Variants in PTPRQ observed in about 807,000 individuals in gnomAD.
PTPRQ encodes phosphatidylinositol phosphatase PTPRQ.
In PTPRQ, 199 loss-of-function variants were observed where a neutral mutation model predicts 246.0. The observed-to-expected ratio is 0.81, with a 90% CI of 0.72 to 0.91. PTPRQ has a LOEUF of 0.91. PTPRQ is among the 40% of genes least tolerant of loss of function. The pLI, the probability that PTPRQ is intolerant of heterozygous loss-of-function variation, is 0.00. For missense variants in PTPRQ, 2,624 were observed against 2,528.4 expected (o/e 1.04, Z -0.81); for synonymous variants, 869 against 853.2 (o/e 1.02, Z -0.32).
rs1234812940 is a variant in PTPRQ, at chr12:80,670,459, C to T, written c.6569C>T (p.Ala2190Val). 6.4e-7 allele frequency: 1 copy of T among 1,551,062 alleles called. No homozygotes were observed. The highest frequency in any genetic ancestry group is 2.0e-5 in the Admixed American group (1 of 50,942). The change falls in exon 42 of 45, where the codon GCA (alanine) becomes GTA (valine). Residue 2190 changes from alanine (A) to valine (V), a missense_variant. By Grantham distance (64) the Ala-to-Val change is moderately conservative. Coordinates refer to ENST00000644991, the MANE Select transcript of PTPRQ (RefSeq NM_001145026.2). ...HFVKLVRASRAHDTTPMIVHC... is the reference protein window; with the variant it reads ...HFVKLVRASRVHDTTPMIVHC... ...GTGAAGTTGGTTCGAGCAAGCAGGG[C>T]ACATGACACCACACCTATGATTGTT...
At position 80,510,231 on chromosome 12, in the gene PTPRQ, A is replaced by G. The variant is rs866743962; in HGVS notation, c.2558-92A>G. On this transcript the variant is annotated intron_variant, in intron 16 of 44. Transcript: ENST00000644991. Reference sequence around the variant, plus strand: ...GCACTGAACCTAATTCCTTTACCAGAAAGTTTATAATAAAAATTGTGTGCA... The same window carrying G: ...GCACTGAACCTAATTCCTTTACCAGGAAGTTTATAATAAAAATTGTGTGCA... 18 of 1,252,772 alleles carry G rather than the reference A, an allele frequency of 1.4e-5. No individual in the cohort carries two copies. The Middle Eastern group carries it at 2.2e-3, about 155-fold the overall frequency. 77.6% of individuals were successfully genotyped at this position (1,252,772 alleles called of 1,614,324 possible).
intron 3 of PTPRQ, among the ~76,000 whole-genome samples, chr12:80,448,666 T>C (rs1029907553): frequency 3.3e-5 from 5 of 149,878 alleles, no homozygotes; most frequent in African/African-American, 7.5e-5. Flanking sequence ...AGAATGATGA[T>C]TTCCAATTTC....
At chr12:80,539,204 T>A (rs983905431) in intron 19 of PTPRQ, among the ~76,000 whole-genome samples, 1 of 152,134 alleles carries the variant, frequency 6.6e-6, no homozygotes, top group Non-Finnish European at 1.5e-5. Flanking sequence ...TTTCTCTTAC[T>A]CTACACATCA....
At chr12:80,589,913 C>G (rs114816871) in intron 26 of PTPRQ, among the ~76,000 whole-genome samples, 1 of 152,128 alleles carries the variant, frequency 6.6e-6, no homozygotes, top group African/African-American at 2.4e-5. Flanking sequence ...TGGCCCTTTT[C>G]TCTTCTTTAT....
intron 25 of PTPRQ, among the ~76,000 whole-genome samples, chr12:80,559,953 C>CA (rs1282615400): frequency 6.6e-6 from 1 of 152,132 alleles, no homozygotes; most frequent in Non-Finnish European, 1.5e-5. Flanking sequence ...ACCTTGGGAA[C>CA]AAGGTGAAAA....
chr12:80,552,489 T>C (rs1240287023), intron 25 of PTPRQ, among the ~76,000 whole-genome samples: 1 of 151,240 alleles, frequency 6.6e-6, no homozygotes, highest in African/African-American at 2.4e-5. Context: ...CCATTAAAAG[T>C]AATATTGAGT....
intron 17 of PTPRQ, among the ~76,000 whole-genome samples, chr12:80,524,996 A>C (rs1895638613): frequency 6.6e-6 from 1 of 152,216 alleles, no homozygotes; most frequent in Non-Finnish European, 1.5e-5. Context: ...GAGTTTAAGT[A>C]AGCTTATTGC....
chr12:80,544,717 T>G (rs895148390), intron 23 of PTPRQ, among the ~76,000 whole-genome samples: 5 of 152,136 alleles, frequency 3.3e-5, no homozygotes, highest in East Asian at 3.9e-4. Flanking sequence ...TCTCTCCTAG[T>G]GTGTTCTATT....
rs138904600 is a variant in PTPRQ at position 80,670,224 on chromosome 12, A to G, written c.6454-120A>G. On this transcript the variant is annotated intron_variant, in intron 41 of 44. Coordinates refer to ENST00000644991, the MANE Select transcript of PTPRQ (RefSeq NM_001145026.2). The stretch of plus-strand genomic sequence containing the variant: ...TTATAGGAAATAATGAAAACATTTT[A>G]TTTGGTTTGGTAAATAGTCATTTTT... 1.3e-4 allele frequency: 176 copies of G among 1,379,450 alleles called. No individual in the cohort carries two copies. In the African/African-American group the frequency reaches 2.4e-3, roughly 19 times the overall value. The allele number at this position is 1,379,450 out of a possible 1,614,324, so 85.5% of individuals were successfully genotyped here.
In PTPRQ at chr12:80,492,222, C is replaced by T. The variant is rs543144502; in HGVS notation, c.1360-1053C>T. Among the ~76,000 whole-genome samples the T allele has an allele frequency of 3.3e-5, 5 of 152,034 alleles. No homozygotes were observed. The South Asian group carries it at 1.0e-3, about 31-fold the overall frequency. ...TTTAAATAAATTCCAGACTTAACAT[C>T]ATTTTGTTCCTATATGCCTAAGCAC... is the stretch of plus-strand genomic sequence containing the variant. On this transcript the variant is annotated intron_variant, in intron 9 of 44. Coordinates refer to ENST00000644991, the MANE Select transcript of PTPRQ (RefSeq NM_001145026.2).
rs566465848 is a variant in PTPRQ, at chr12:80,563,018, A to T, written c.4285+13284A>T. 1.8e-4 allele frequency among the ~76,000 whole-genome samples: 27 copies of T among 152,284 alleles called. No individual in the cohort carries two copies. In the South Asian group the frequency reaches 5.2e-3, roughly 29 times the overall value. On this transcript the variant is annotated intron_variant, in intron 25 of 44. Transcript: ENST00000644991. ...AGATGAAATGTACTGATTCTTCAGG[A>T]AACACACCTACTACACTATACTCCC...
At position 80,680,234 on chromosome 12, in the gene PTPRQ, A is replaced by G. The variant is rs1453490894; in HGVS notation, c.*1211A>G. ...CTTATTTCCGCTGGAACATATATAT[A>G]TAAGAAATGCTATGGCCAATAAAAT... On this transcript the variant is annotated 3_prime_UTR_variant, in exon 45 of 45. Coordinates refer to ENST00000644991, the MANE Select transcript of PTPRQ (RefSeq NM_001145026.2). 1.3e-5 allele frequency: 2 copies of G among 151,536 alleles called. No homozygotes were observed. The highest frequency in any genetic ancestry group is 3.9e-4 in the East Asian group (2 of 5,170). The allele number at this position is 151,536 out of a possible 1,614,324, so 9.4% of individuals were successfully genotyped here. A position where few individuals can be genotyped will look rare whatever the true frequency, so the allele number is the denominator to read the frequency against.
In PTPRQ at chr12:80,534,015, G is replaced by C. The variant is rs1376868367; in HGVS notation, c.2679G>C (p.Trp893Cys). The change falls in exon 18 of 45, where the codon TGG becomes TGC. Residue 893 changes from tryptophan to cysteine, a missense_variant and splice_region_variant. Transcript: ENST00000644991. ...ACAGATAATATTCTTTTTATCTCAG[G>C]AATAGATCATCATTAAAAACTATTA... ...GIILYYTVYV[W>C]NRSSLKTINV... 2 of 1,484,800 alleles carry C rather than the reference G, an allele frequency of 1.3e-6. No homozygotes were observed. The highest frequency in any genetic ancestry group is 1.8e-6 in the Non-Finnish European group (2 of 1,117,832). The allele number at this position is 1,484,800 out of a possible 1,614,324, so 92.0% of individuals were successfully genotyped here.
In PTPRQ at chr12:80,492,057, G is replaced by A. The variant is rs372829504; in HGVS notation, c.1360-1218G>A. ...TTAGTAAAAGAGAGTAGATTTTTCA[G>A]CATATTCTTTTTTCAAAACTGTTTG... On this transcript the variant is annotated intron_variant, in intron 9 of 44. Transcript: ENST00000644991. Among the ~76,000 whole-genome samples, 10 of 151,892 alleles carry A rather than the reference G, an allele frequency of 6.6e-5. No individual in the cohort carries two copies. The East Asian group carries it at 1.7e-3, about 27-fold the overall frequency.
intron 31 of PTPRQ, among the ~76,000 whole-genome samples, chr12:80,619,868 T>G (rs1437270973): frequency 6.6e-6 from 1 of 151,662 alleles, no homozygotes; most frequent in East Asian, 1.9e-4. Flanking sequence ...TTTGGTAAGA[T>G]GGAATCTTGA....
intron 19 of PTPRQ, 150 bp downstream of exon 19, chr12:80,535,187 C>A: frequency 9.4e-6 from 7 of 742,756 alleles, no homozygotes; most frequent in South Asian, 2.6e-5. Flanking sequence ...TAGAAAAATG[C>A]GGTGTAGAAA....
intron 35 of PTPRQ, among the ~76,000 whole-genome samples, chr12:80,639,644 C>T (rs1394752358): frequency 6.6e-6 from 1 of 152,086 alleles, no homozygotes. Context: ...TTGTTAAATA[C>T]ACAGTTATGT....
At chr12:80,481,832 G>C (rs903868913) in intron 8 of PTPRQ, among the ~76,000 whole-genome samples, 47 of 152,110 alleles carry the variant, frequency 3.1e-4, no homozygotes, top group East Asian at 1.5e-3. Flanking sequence ...TGTGAAGGAC[G>C]TCTTCAAGGA....
chr12:80,481,870 A>C (rs1894074017), intron 8 of PTPRQ, among the ~76,000 whole-genome samples: 1 of 151,924 alleles, frequency 6.6e-6, no homozygotes, highest in Non-Finnish European at 1.5e-5. Flanking sequence ...TCAATGAAAT[A>C]AAAGAGGATA....
Sources: gnomAD v4.1 joint callset for allele counts (sites outside exome capture counted in the v4.1 genomes callset) on GRCh38, gnomAD v4.1.1 for gene constraint, MANE v1.5 for transcripts, NCBI Gene and HGNC (gene_info 2026-07-23, HGNC 2026-07-21) for gene names.